The following NR6A1 variants were observed in gnomAD, a reference collection of about 807,000 sequenced individuals.
NR6A1 encodes nuclear receptor subfamily 6 group A member 1.
In NR6A1, 7 loss-of-function variants were observed where a neutral mutation model predicts 59.1. That is an observed-to-expected ratio of 0.12 (90% confidence interval 0.07 to 0.22). NR6A1 has a LOEUF of 0.22. Ranked by LOEUF, NR6A1 falls within the 10% of genes least tolerant of loss-of-function variation. The probability of loss-of-function intolerance (pLI) is 1.00; values close to 1 mark genes in which losing one functional copy is unlikely to be tolerated. For synonymous variants in NR6A1, 243 were observed against 236.1 expected, an observed-to-expected ratio of 1.03 and a Z score of -0.27; for missense variants, 468 against 611.6, an observed-to-expected ratio of 0.77 and a Z score of 2.48.
At chr9:124,587,357 G>A (rs1011301463) in intron 2 of NR6A1, among the ~76,000 whole-genome samples, 4 of 152,074 alleles carry the variant, frequency 2.6e-5, no homozygotes, top group African/African-American at 4.8e-5. Flanking sequence ...TATGCCTATC[G>A]CTTCTCTATT....
chr9:124,695,571 T>C (rs1216366927), intron 2 of NR6A1, among the ~76,000 whole-genome samples: 2 of 152,070 alleles, frequency 1.3e-5, no homozygotes, highest in Non-Finnish European at 2.9e-5. Flanking sequence ...AGTAGAGCCA[T>C]GTTGGCCAGG....
chr9:124,523,259 C>A (rs1251669456), intron 9 of NR6A1, among the ~76,000 whole-genome samples: 2 of 151,968 alleles, frequency 1.3e-5, no homozygotes, highest in Non-Finnish European at 2.9e-5. Flanking sequence ...AATAAAAGTA[C>A]TAGGGGAAAA....
At chr9:124,588,030 T>C (rs891189422) in intron 2 of NR6A1, among the ~76,000 whole-genome samples, 22 of 152,146 alleles carry the variant, frequency 1.4e-4, no homozygotes, top group African/African-American at 5.3e-4. Flanking sequence ...TCCTCTCTCC[T>C]CAGCTCCTCA....
chr9:124,639,495 T>C (rs1397288199), intron 2 of NR6A1, among the ~76,000 whole-genome samples: 2 of 152,214 alleles, frequency 1.3e-5, no homozygotes, highest in Non-Finnish European at 2.9e-5. Flanking sequence ...GTCTCATGGC[T>C]AGTTACCAAA....
At chr9:124,524,374 C>T (rs1006015271) in intron 9 of NR6A1, among the ~76,000 whole-genome samples, 11 of 152,114 alleles carry the variant, frequency 7.2e-5, no homozygotes, top group African/African-American at 2.7e-4. Context: ...TTTTAAAGTA[C>T]ACAATTCAAG....
chr9:124,725,476 G>A (rs1839686825), intron 2 of NR6A1, among the ~76,000 whole-genome samples: 8 of 151,916 alleles, frequency 5.3e-5, no homozygotes, highest in Admixed American at 5.2e-4. Context: ...GACACCTGCT[G>A]TCCCAAACCT....
At chr9:124,748,119 A>T (rs934503815) in intron 1 of NR6A1, among the ~76,000 whole-genome samples, 4 of 152,216 alleles carry the variant, frequency 2.6e-5, no homozygotes, top group Non-Finnish European at 4.4e-5. Flanking sequence ...ATGTTAAAGC[A>T]AGTTTCTAAT....
At chr9:124,761,606 T>A (rs1249192101) in intron 1 of NR6A1, among the ~76,000 whole-genome samples, 1 of 152,180 alleles carries the variant, frequency 6.6e-6, no homozygotes, top group African/African-American at 2.4e-5. Context: ...AAAACCAGGT[T>A]AAAAGCAAAC....
At chr9:124,626,946 T>C (rs75773508) in intron 2 of NR6A1, among the ~76,000 whole-genome samples, 1,575 of 152,088 alleles carry the variant, frequency 0.01, 27 homozygotes, top group African/African-American at 0.036. Context: ...ATAATAAAAA[T>C]AATGGAGCTT....
chr9:124,729,372 G>A (rs764310342), intron 2 of NR6A1, among the ~76,000 whole-genome samples: 10 of 152,058 alleles, frequency 6.6e-5, no homozygotes, highest in Non-Finnish European at 1.3e-4. Context: ...CGGTTAAAAT[G>A]ATCACTGTTC....
chr9:124,533,290 T>G (rs1833151766), intron 7 of NR6A1, among the ~76,000 whole-genome samples: 2 of 152,150 alleles, frequency 1.3e-5, no homozygotes, highest in South Asian at 4.2e-4. Context: ...AGACAGGAAT[T>G]TGATGGAAAC....
At chr9:124,715,311 C>A (rs1226623353) in intron 2 of NR6A1, among the ~76,000 whole-genome samples, 1 of 151,904 alleles carries the variant, frequency 6.6e-6, no homozygotes, top group Non-Finnish European at 1.5e-5. Flanking sequence ...TAGCTTGTGG[C>A]CCTAAATTTA....
At chr9:124,638,342 T>C (rs1408897269) in intron 2 of NR6A1, among the ~76,000 whole-genome samples, 2 of 152,170 alleles carry the variant, frequency 1.3e-5, no homozygotes, top group Non-Finnish European at 2.9e-5. Context: ...CTACTTACTT[T>C]TTCTTAGCAG....
chr9:124,611,795 G>GAGAGAGAATT (rs1336922354), intron 2 of NR6A1, among the ~76,000 whole-genome samples: 5 of 147,508 alleles, frequency 3.4e-5, no homozygotes, highest in African/African-American at 1.3e-4. Flanking sequence ...GAGAGAGAAT[G>GAGAGAGAATT]AGAGAGAATT....
At chr9:124,582,965 C>T (rs976470741) in intron 2 of NR6A1, among the ~76,000 whole-genome samples, 2 of 151,206 alleles carry the variant, frequency 1.3e-5, no homozygotes, top group African/African-American at 4.9e-5. Flanking sequence ...AAGAGTACGC[C>T]CTTCCCCCCC....
chr9:124,744,466 G>A (rs528359991), intron 1 of NR6A1, among the ~76,000 whole-genome samples: 3 of 152,286 alleles, frequency 2.0e-5, no homozygotes, highest in Admixed American at 6.5e-5. Flanking sequence ...AGCCACAAAA[G>A]TCAAAACAAG....
chr9:124,754,618 T>C (rs528957805), intron 1 of NR6A1, among the ~76,000 whole-genome samples: 38 of 152,120 alleles, frequency 2.5e-4, no homozygotes, highest in African/African-American at 7.0e-4. Flanking sequence ...GTGGGGAGCA[T>C]TTAAGAAAAA....
At chr9:124,747,351 C>A (rs983930768) in intron 1 of NR6A1, among the ~76,000 whole-genome samples, 1 of 152,050 alleles carries the variant, frequency 6.6e-6, no homozygotes, top group East Asian at 1.9e-4. Flanking sequence ...TGTGCCACCA[C>A]GTCCAGCCTG....
chr9:124,553,549 C>CA (rs1564176018), intron 3 of NR6A1, among the ~76,000 whole-genome samples: 1 of 47,324 alleles, frequency 2.1e-5, no homozygotes. Context: ...TTTAGCTTGA[C>CA]TTTTTTTTTT....
Sources: gnomAD v4.1 joint callset for allele counts (sites outside exome capture counted in the v4.1 genomes callset) on GRCh38, gnomAD v4.1.1 for gene constraint, MANE v1.5 for transcripts, NCBI Gene and HGNC (gene_info 2026-07-23, HGNC 2026-07-21) for gene names.